Variants in PCDH11X observed in about 807,000 individuals in gnomAD.
PCDH11X encodes protocadherin-11 X-linked.
Under a neutral mutation model 53.3 loss-of-function variants are expected in PCDH11X, and 18 were observed. That is an observed-to-expected ratio of 0.34 (90% CI 0.23 to 0.50). The LOEUF (loss-of-function observed/expected upper bound fraction) is 0.50. Among genes scored for constraint, PCDH11X ranks in the 20% least tolerant of loss-of-function variants. PCDH11X has a pLI of 0.98. For missense variants in PCDH11X, 570 were observed against 1,032.4 expected, an observed-to-expected ratio of 0.55 and a Z score of 6.14; for synonymous variants, 279 against 393.3, an observed-to-expected ratio of 0.71 and a Z score of 3.44.
chrX:92,154,197 G>A (rs1244647300), intron 6 of PCDH11X, among the ~76,000 whole-genome samples: 3 of 111,206 alleles, frequency 2.7e-5, no homozygotes, highest in African/African-American at 9.8e-5. Flanking sequence ...AGTTTTCTCA[G>A]ATTTCATTCC....
At chrX:92,224,350 GA>G (rs2066932181) in intron 7 of PCDH11X, among the ~76,000 whole-genome samples, 1 of 111,507 alleles carries the variant, frequency 9.0e-6, no homozygotes, top group Non-Finnish European at 1.9e-5. Context: ...GGAGATATTA[GA>G]TTTTTTTTTA....
chrX:91,977,663 T>G (rs1373149866), intron 6 of PCDH11X, among the ~76,000 whole-genome samples: 1 of 110,825 alleles, frequency 9.0e-6, no homozygotes, highest in Non-Finnish European at 1.9e-5. Flanking sequence ...TCTTCTCTTT[T>G]TTCTCATTTC....
chrX:92,369,146 A>C lies in PCDH11X; in HGVS notation c.3145-18589A>C, dbSNP rs1460448689. ...CCCCTTCCCTCAGGTGCTCTGTCCCAGGGAAATGGGGGTTTTGTCTGTAAG... is the reference window on the plus strand; with the variant it reads ...CCCCTTCCCTCAGGTGCTCTGTCCCCGGGAAATGGGGGTTTTGTCTGTAAG... On this transcript the variant is annotated intron_variant, in intron 8 of 10. Coordinates refer to ENST00000682573, the MANE Select transcript of PCDH11X (RefSeq NM_032968.5). 9.4e-5 allele frequency among the ~76,000 whole-genome samples: 10 copies of C among 106,744 alleles called. No individual in the cohort carries two copies. In the Admixed American group the frequency reaches 9.9e-4, roughly 11 times the overall value. 92.7% of individuals were successfully genotyped at this position (106,744 alleles called of 115,157 possible).
intron 4 of PCDH11X, among the ~76,000 whole-genome samples, chrX:91,820,515 G>A (rs1936629016): frequency 1.1e-5 from 1 of 94,755 alleles, no homozygotes; most frequent in Admixed American, 1.1e-4. Context: ...TTTTTGATGG[G>A]GTTGTTTGTT....
chrX:92,482,167 T>G (rs1297824159), intron 10 of PCDH11X, among the ~76,000 whole-genome samples: 8 of 110,392 alleles, frequency 7.2e-5, no homozygotes, highest in African/African-American at 2.6e-4. Flanking sequence ...TACTCATTTG[T>G]AAAATATAAA....
chrX:92,156,169 T>G (rs1472274050), intron 6 of PCDH11X, among the ~76,000 whole-genome samples: 3 of 107,640 alleles, frequency 2.8e-5, no homozygotes, highest in Non-Finnish European at 5.7e-5. Flanking sequence ...GGATTGATTA[T>G]CCAACAAGTA....
chrX:92,112,748 T>C (rs1291277355), intron 6 of PCDH11X, among the ~76,000 whole-genome samples: 1 of 109,302 alleles, frequency 9.1e-6, no homozygotes, highest in Non-Finnish European at 1.9e-5. Flanking sequence ...TTTCAATTTT[T>C]TTTTAAATCA....
intron 6 of PCDH11X, among the ~76,000 whole-genome samples, chrX:92,005,733 A>C (rs907453906): frequency 1.8e-5 from 2 of 111,558 alleles, no homozygotes; most frequent in Non-Finnish European, 1.9e-5. Context: ...TTGCTTATTA[A>C]TGTCCTTTTC....
chrX:92,613,891 G>T lies in PCDH11X; in HGVS notation c.3368-4373G>T, dbSNP rs79556567. On this transcript the variant is annotated intron_variant, in intron 10 of 10. Coordinates refer to ENST00000682573, the MANE Select transcript of PCDH11X (RefSeq NM_032968.5). The stretch of plus-strand genomic sequence containing the variant: ...CTGGCTATGTTATTTCAAAATACTG[G>T]TCTTTAAGCTCTGAAATTATTTCTT... Among the ~76,000 whole-genome samples, 547 of 108,967 alleles carry T rather than the reference G, an allele frequency of 5.0e-3. 32 individuals carry two copies. In the East Asian group the frequency reaches 0.14, roughly 28 times the overall value. The allele number at this position is 108,967 out of a possible 115,157, so 94.6% of individuals were successfully genotyped here. A position where few individuals can be genotyped will look rare whatever the true frequency, so the allele number is the denominator to read the frequency against.
intron 7 of PCDH11X, among the ~76,000 whole-genome samples, chrX:92,232,853 C>T (rs757530245): frequency 9.0e-6 from 1 of 111,524 alleles, no homozygotes; most frequent in East Asian, 2.8e-4. Flanking sequence ...GTAGCTGGGA[C>T]TATAGGCGCC....
In PCDH11X at chrX:91,824,991, G is replaced by A. The variant is rs1452843996; in HGVS notation, c.-44-10470G>A. Among the ~76,000 whole-genome samples the A allele has an allele frequency of 7.3e-5, 8 of 110,255 alleles. No individual in the cohort carries two copies. The Admixed American group carries it at 7.6e-4, about 11-fold the overall frequency. Reference sequence around the variant, plus strand: ...TGCCTCCCAGTTAGGCTGCTCGGGGGTCAGGGGTCAGGGACCCACTTGAGG... The same window carrying A: ...TGCCTCCCAGTTAGGCTGCTCGGGGATCAGGGGTCAGGGACCCACTTGAGG... On this transcript the variant is annotated intron_variant, in intron 4 of 10. Transcript: ENST00000682573.
intron 5 of PCDH11X, among the ~76,000 whole-genome samples, chrX:91,844,720 C>A (rs867622071): frequency 9.5e-6 from 1 of 105,114 alleles, no homozygotes; most frequent in Non-Finnish European, 1.9e-5. Context: ...CTATAACAAG[C>A]CTTTCCTGGA....
At chrX:91,926,075 C>T (rs1197306558) in intron 6 of PCDH11X, among the ~76,000 whole-genome samples, 2 of 41,384 alleles carry the variant, frequency 4.8e-5, no homozygotes, top group Admixed American at 8.4e-4. Context: ...CACACAAACA[C>T]GCACACACAC....
Position 92,288,590 on chromosome X carries a change from T to G in PCDH11X, c.3144+25447T>G, listed in dbSNP as rs3853036. On this transcript the variant is annotated intron_variant, in intron 8 of 10. Coordinates refer to ENST00000682573, the MANE Select transcript of PCDH11X (RefSeq NM_032968.5). Reference sequence around the variant, plus strand: ...CAATAAATTCCAGACTTAAAATATCTGTTTATTTTTACTGTTAATCAAGGT... The same window carrying G: ...CAATAAATTCCAGACTTAAAATATCGGTTTATTTTTACTGTTAATCAAGGT... 8.6e-3 allele frequency among the ~76,000 whole-genome samples: 952 copies of G among 110,844 alleles called. 7 individuals carry two copies. Among genetic ancestry groups the G allele is most frequent in the African/African-American group, 0.029 (900 of 30,542 alleles).
chrX:91,931,477 G>A (rs939130383), intron 6 of PCDH11X, among the ~76,000 whole-genome samples: 14 of 110,889 alleles, frequency 1.3e-4, no homozygotes, highest in Non-Finnish European at 2.6e-4. Flanking sequence ...GAAGCAGGGA[G>A]ATTTCCAGCA....
At chrX:92,105,990 C>G (rs1233040891) in intron 6 of PCDH11X, among the ~76,000 whole-genome samples, 1 of 111,354 alleles carries the variant, frequency 9.0e-6, no homozygotes, top group Non-Finnish European at 1.9e-5. Flanking sequence ...TAGATATAAA[C>G]AAATATTTGT....
intron 8 of PCDH11X, among the ~76,000 whole-genome samples, chrX:92,272,862 T>G (rs2067989207): frequency 8.9e-6 from 1 of 112,237 alleles, no homozygotes; most frequent in African/African-American, 3.2e-5. Flanking sequence ...AACTAAAAAT[T>G]CCATTTGATA....
chrX:92,511,650 A>G (rs5984978), intron 10 of PCDH11X, among the ~76,000 whole-genome samples: 5,554 of 111,554 alleles, frequency 0.05, 332 homozygotes, highest in African/African-American at 0.17. Flanking sequence ...AGATGAGACC[A>G]AAATCCAGTC....
At chrX:92,309,418 C>T (rs1483373238) in intron 8 of PCDH11X, among the ~76,000 whole-genome samples, 2 of 111,490 alleles carry the variant, frequency 1.8e-5, no homozygotes, top group Non-Finnish European at 3.8e-5. Flanking sequence ...GATGATTCCA[C>T]GTTGTCCACC....
Sources: gnomAD v4.1 joint callset for allele counts (sites outside exome capture counted in the v4.1 genomes callset) on GRCh38, gnomAD v4.1.1 for gene constraint, MANE v1.5 for transcripts, NCBI Gene and HGNC (gene_info 2026-07-23, HGNC 2026-07-21) for gene names.